The following CACNA1H variants were observed in gnomAD, a reference collection of about 807,000 sequenced individuals.
The protein encoded by CACNA1H is calcium voltage-gated channel subunit alpha1 H.
In CACNA1H, 149 loss-of-function variants were observed where a neutral mutation model predicts 192.5. The ratio of observed to expected loss-of-function variants is 0.77; its 90% CI spans 0.68 to 0.89. The LOEUF is 0.89. Among genes scored for constraint, CACNA1H ranks in the 40% least tolerant of loss-of-function variants. The probability of loss-of-function intolerance (pLI) is 0.00; values close to 1 mark genes in which losing one functional copy is unlikely to be tolerated. For synonymous variants in CACNA1H, 2,202 were observed against 1,475.2 expected, an observed-to-expected ratio of 1.49 and a Z score of -11.29; for missense variants, 4,257 against 3,423.5, an observed-to-expected ratio of 1.24 and a Z score of -6.08.
chr16:1,207,014 C>T lies in CACNA1H; in HGVS notation c.2803C>T (p.His935Tyr), dbSNP rs1461104626. ...CCCCACCCTCAGCATCCTGGGCATG[C>T]ACCTTTTCGGCTGCAAGTTCAGCCT... is the stretch of plus-strand genomic sequence containing the variant. ...FIFIFSILGM[H>Y]LFGCKFSLKT... Residue 935 changes from histidine to tyrosine, a missense_variant, in exon 13 of 35, where the codon CAC (histidine) becomes TAC (tyrosine). Physicochemically the swap from His to Tyr is moderately conservative, Grantham distance 83. Coordinates refer to ENST00000348261, the MANE Select transcript of CACNA1H (RefSeq NM_021098.3). 6.3e-6 allele frequency: 10 copies of T among 1,590,650 alleles called. No homozygotes were observed. The highest frequency in any genetic ancestry group is 8.6e-6 in the Non-Finnish European group (10 of 1,168,552).
intron 2 of CACNA1H, among the ~76,000 whole-genome samples, chr16:1,185,469 A>G (rs2151777468): frequency 6.7e-6 from 1 of 149,732 alleles, no homozygotes; most frequent in South Asian, 2.1e-4. Context: ...AGCGGCAGCC[A>G]GACTCCCACA....
intron 2 of CACNA1H, among the ~76,000 whole-genome samples, chr16:1,192,430 G>A (rs545150807): frequency 8.1e-4 from 123 of 152,388 alleles, no homozygotes; most frequent in Non-Finnish European, 1.5e-3. Context: ...CCACTCTGCT[G>A]GCTGGACAGT....
In CACNA1H at chr16:1,185,586, AGT is replaced by A. The variant is rs1379236974; in HGVS notation, c.300-9385_300-9384del. On this transcript the variant is annotated intron_variant, in intron 2 of 34. Coordinates refer to ENST00000348261, the MANE Select transcript of CACNA1H (RefSeq NM_021098.3). The stretch of plus-strand genomic sequence containing the variant: ...GGGGCACGGGGGTCCATGGCGGGTG[AGT>A]AGACGGTCAGCGTGCGTAGGGGCCG... Among the ~76,000 whole-genome samples the A allele has an allele frequency of 4.4e-4, 31 of 70,168 alleles. 7 individuals are homozygous for A. The highest frequency in any genetic ancestry group is 1.7e-3 in the East Asian group (4 of 2,318). The allele number at this position is 70,168 out of a possible 152,430, so 46.0% of individuals were successfully genotyped here. A position where few individuals can be genotyped will look rare whatever the true frequency, so the allele number is the denominator to read the frequency against.
rs1215976456 is a variant in CACNA1H, at chr16:1,167,369, G to A, written c.299+13333G>A. 6.6e-6 allele frequency among the ~76,000 whole-genome samples: 1 copy of A among 152,122 alleles called. No homozygotes were observed. The highest frequency in any genetic ancestry group is 2.4e-5 in the African/African-American group (1 of 41,380). Reference sequence around the variant, plus strand: ...CGCGGAGCGGGCGGGGTGGCGCCCGGGCCGCGGGTGGGAGAATCTGGCGTG... The same window carrying A: ...CGCGGAGCGGGCGGGGTGGCGCCCGAGCCGCGGGTGGGAGAATCTGGCGTG... On this transcript the variant is annotated intron_variant, in intron 2 of 34. Transcript: ENST00000348261. This position sits in a 1 kb window ranked among gnomAD's most constrained non-coding sequence, Gnocchi z 4.2.
At chr16:1,215,116 C>T (rs778961766) in intron 28 of CACNA1H, 35 bp downstream of exon 28, 3 of 1,592,314 alleles carry the variant, frequency 1.9e-6, no homozygotes, top group Middle Eastern at 1.7e-4. Context: ...GTTCTGGGGG[C>T]CCCTCAGGGC....
At chr16:1,203,101 G>A (rs1340052488) in intron 9 of CACNA1H, among the ~76,000 whole-genome samples, 2 of 152,140 alleles carry the variant, frequency 1.3e-5, no homozygotes, top group African/African-American at 4.8e-5. Context: ...AGAGGTGCGA[G>A]CGAGGGTGCC....
chr16:1,157,910 C>T (rs1321204090), intron 2 of CACNA1H: 1 of 152,272 alleles, frequency 6.6e-6, no homozygotes, highest in African/African-American at 2.4e-5. Context: ...CGACCCACGG[C>T]CCGGCTTCTC....
chr16:1,160,576 G>A (rs1023501232), intron 2 of CACNA1H, among the ~76,000 whole-genome samples: 4 of 152,208 alleles, frequency 2.6e-5, no homozygotes, highest in African/African-American at 4.8e-5. Flanking sequence ...GCAGCTTGCC[G>A]TGGTGCAGGG....
At position 1,221,303 on chromosome 16, in the gene CACNA1H, C is replaced by T. The variant is rs140152821; in HGVS notation, c.*309C>T. On this transcript the variant is annotated 3_prime_UTR_variant, in exon 35 of 35. Transcript: ENST00000348261. ...GTCTGTGGGACGAAGACCGGGCACC[C>T]GCCAGAGAGGGGAAGGTACCAGGTT... 1,315 of 404,050 alleles carry T rather than the reference C, an allele frequency of 3.3e-3. 1 individual carries two copies. The highest frequency in any genetic ancestry group is 8.3e-3 in the Middle Eastern group (13 of 1,562). 25.0% of individuals were successfully genotyped at this position (404,050 alleles called of 1,614,324 possible).
Position 1,215,601 on chromosome 16 carries a change from G to A in CACNA1H, c.5244+8G>A. On this transcript the variant is annotated splice_region_variant and intron_variant, in intron 30 of 34. Coordinates refer to ENST00000348261, the MANE Select transcript of CACNA1H (RefSeq NM_021098.3). Reference sequence around the variant, plus strand: ...GTGCAAGCTCTCCCCCAGGTAGGTGGAGCCCGCGCCATCCTCAGCGCAGGC... The same window carrying A: ...GTGCAAGCTCTCCCCCAGGTAGGTGAAGCCCGCGCCATCCTCAGCGCAGGC... 1.2e-6 allele frequency: 2 copies of A among 1,608,532 alleles called. No homozygotes were observed. Among genetic ancestry groups the A allele is most frequent in the East Asian group, 2.2e-5 (1 of 44,738 alleles).
chr16:1,212,015 G>A lies in CACNA1H; in HGVS notation c.4636G>A (p.Val1546Met), dbSNP rs1244887815. The A allele has an allele frequency of 1.3e-5, 21 of 1,613,414 alleles. No homozygotes were observed. The highest frequency in any genetic ancestry group is 1.6e-5 in the Non-Finnish European group (19 of 1,179,716). ...ISFLLIVSFF[V>M]LNMFVGVVVE... ...CTTCCTGCTCATCGTCAGCTTCTTC[G>A]TGCTCAACATGTTCGTGGGCGTCGT... Residue 1546 changes from valine (V) to methionine (M), a missense_variant, in exon 25 of 35, where the codon GTG becomes ATG. Physicochemically the swap from Val to Met is conservative, Grantham distance 21 (BLOSUM62 1). Coordinates refer to ENST00000348261, the MANE Select transcript of CACNA1H (RefSeq NM_021098.3).
chr16:1,188,946 G>C (rs1966334886), intron 2 of CACNA1H, among the ~76,000 whole-genome samples: 1 of 152,244 alleles, frequency 6.6e-6, no homozygotes, highest in Non-Finnish European at 1.5e-5. Context: ...GCCAGGGGCT[G>C]GCATCTGCGG....
At chr16:1,198,540 T>A (rs1967276335) in intron 5 of CACNA1H, 75 bp from the exon 6 acceptor site, 2 of 1,533,788 alleles carry the variant, frequency 1.3e-6, no homozygotes, top group Non-Finnish European at 1.8e-6. Flanking sequence ...GGCTCGGGGG[T>A]CCCGGGAGGG....
intron 25 of CACNA1H, 33 bp downstream of exon 25, chr16:1,212,171 G>T (rs774516452): frequency 2.8e-5 from 44 of 1,582,644 alleles, no homozygotes; most frequent in Non-Finnish European, 3.8e-5. Flanking sequence ...GGCGGTGGCG[G>T]GTCGGTACCT....
At chr16:1,210,185 C>T (rs1325174897) in intron 18 of CACNA1H, 50 bp downstream of exon 18, 3 of 1,453,222 alleles carry the variant, frequency 2.1e-6, no homozygotes, top group East Asian at 2.5e-5. Flanking sequence ...CCCCACGGGA[C>T]CCCCGCCCCC....
chr16:1,204,675 C>T (rs146766052), intron 10 of CACNA1H, among the ~76,000 whole-genome samples: 1 of 152,154 alleles, frequency 6.6e-6, no homozygotes, highest in Non-Finnish European at 1.5e-5. Context: ...TAGACGGCAG[C>T]TGATTAGGCT....
Position 1,209,281 on chromosome 16 carries a change from C to T in CACNA1H, c.3613C>T (p.Arg1205Trp), listed in dbSNP as rs779622633. 3.1e-5 allele frequency: 49 copies of T among 1,561,296 alleles called. No individual in the cohort carries two copies. Among genetic ancestry groups the T allele is most frequent in the Admixed American group, 1.5e-4 (8 of 53,600 alleles). ...RAESLDPRPLRPAALPPTKCR... is the reference protein window; with the variant it reads ...RAESLDPRPLWPAALPPTKCR... ...CGAGTCCCTGGACCCACGGCCCCTG[C>T]GGCCGGCCGCCCTCCCGCCTACCAA... Residue 1205 changes from arginine (R) to tryptophan (W), a missense_variant, in exon 17 of 35, where the codon CGG becomes TGG. By Grantham distance (101) the Arg-to-Trp change is moderately radical (BLOSUM62 -3). Coordinates refer to ENST00000348261, the MANE Select transcript of CACNA1H (RefSeq NM_021098.3).
At chr16:1,195,401 C>A (rs554818667) in intron 3 of CACNA1H, 31 bp from the exon 4 acceptor site, 9 of 1,550,180 alleles carry the variant, frequency 5.8e-6, no homozygotes, top group East Asian at 2.4e-5. Flanking sequence ...CTGAGCTGTT[C>A]CACGGGCCCT....
chr16:1,175,682 G>A lies in CACNA1H; in HGVS notation c.300-19290G>A, dbSNP rs1042690110. 2.0e-5 allele frequency among the ~76,000 whole-genome samples: 3 copies of A among 152,246 alleles called. No individual in the cohort carries two copies. The East Asian group carries it at 5.8e-4, about 29-fold the overall frequency. ...ACACACTAGTTACTCCGCAGATGCC[G>A]GAGGGAGGAGGAGGAGACCAGATCT... On this transcript the variant is annotated intron_variant, in intron 2 of 34. Coordinates refer to ENST00000348261, the MANE Select transcript of CACNA1H (RefSeq NM_021098.3).
Sources: gnomAD v4.1 joint callset for allele counts (sites outside exome capture counted in the v4.1 genomes callset) on GRCh38, gnomAD v4.1.1 for gene constraint, Gnocchi (gnomAD v3.1) non-coding constraint, MANE v1.5 for transcripts, NCBI Gene and HGNC (gene_info 2026-07-23, HGNC 2026-07-21) for gene names.